Variants in HECW1 observed in about 807,000 individuals in gnomAD.
HECW1 encodes E3 ubiquitin-protein ligase HECW1.
Under a neutral mutation model 182.3 loss-of-function variants are expected in HECW1, and 61 were observed. The ratio of observed to expected loss-of-function variants is 0.33; its 90% CI spans 0.27 to 0.41. HECW1 has a LOEUF of 0.41. HECW1 is among the 10% of genes least tolerant of loss of function. The pLI, the probability that HECW1 is intolerant of heterozygous loss-of-function variation, is 1.00. For missense variants in HECW1, 1,739 were observed against 2,108.9 expected, an observed-to-expected ratio of 0.82 and a Z score of 3.44; for synonymous variants, 859 against 832.6, an observed-to-expected ratio of 1.03 and a Z score of -0.55.
intron 2 of HECW1, among the ~76,000 whole-genome samples, chr7:43,191,249 G>A (rs1201390438): frequency 6.6e-6 from 1 of 152,210 alleles, no homozygotes; most frequent in Non-Finnish European, 1.5e-5. Context: ...GTGTCATTAA[G>A]AGGCCAGAGT....
At chr7:43,389,156 G>A (rs549067194) in intron 6 of HECW1, among the ~76,000 whole-genome samples, 283 of 152,334 alleles carry the variant, frequency 1.9e-3, no homozygotes, top group African/African-American at 6.6e-3. Context: ...GTGAGGTTTA[G>A]TTAGAGACAA....
In HECW1 at chr7:43,507,171, C is replaced by A. The variant is rs868555713; in HGVS notation, c.3666C>A (p.Pro1222=). 1 of 1,613,900 alleles carries A rather than the reference C, an allele frequency of 6.2e-7. No homozygotes were observed. Among genetic ancestry groups the A allele is most frequent in the African/African-American group, 1.3e-5 (1 of 74,948 alleles). ...GAGCCAGTGCAAGAGCCCCTTCCCC[C>A]TACCGAAGAGACTTTGAGGCCAAGC... ...LQRASARAPS[P]YRRDFEAKLR... is the part of the protein sequence containing the mutation. Residue 1222 remains proline, a synonymous_variant, in exon 22 of 30, where the codon CCC becomes CCA. Coordinates refer to ENST00000395891, the MANE Select transcript of HECW1 (RefSeq NM_015052.5).
At chr7:43,225,494 A>G (rs2152705550) in intron 2 of HECW1, among the ~76,000 whole-genome samples, 1 of 152,350 alleles carries the variant, frequency 6.6e-6, no homozygotes, top group East Asian at 1.9e-4. Flanking sequence ...AAAACTGGAA[A>G]CAACCTAAAT....
intron 2 of HECW1, among the ~76,000 whole-genome samples, chr7:43,198,765 ACTCT>A (rs144605382): frequency 0.037 from 5,444 of 148,642 alleles, 122 homozygotes; most frequent in Non-Finnish European, 0.054. Context: ...AGATTTGCAC[ACTCT>A]CTCACACACA....
chr7:43,272,775 A>G (rs577714321), intron 3 of HECW1, among the ~76,000 whole-genome samples: 1 of 152,294 alleles, frequency 6.6e-6, no homozygotes, highest in Non-Finnish European at 1.5e-5. Context: ...TTCCAAAAGA[A>G]CTTAAAACAG....
intron 3 of HECW1, chr7:43,274,644 G>GGAGAGA (rs142241026): frequency 4.7e-4 from 147 of 313,878 alleles, no homozygotes; most frequent in South Asian, 1.1e-3. Context: ...GGGGAGGGAG[G>GGAGAGA]GAGAGAGAGA....
chr7:43,146,600 A>T (rs1788741023), intron 2 of HECW1, among the ~76,000 whole-genome samples: 1 of 152,236 alleles, frequency 6.6e-6, no homozygotes, highest in Non-Finnish European at 1.5e-5. Flanking sequence ...TTACTGTAAC[A>T]ATTCTGAACC....
chr7:43,494,543 G>A (rs1048345243), intron 19 of HECW1, among the ~76,000 whole-genome samples: 3 of 147,148 alleles, frequency 2.0e-5, no homozygotes, highest in African/African-American at 7.5e-5. Flanking sequence ...TTGCTCTGTT[G>A]CCTGGGCTGA....
intron 8 of HECW1, among the ~76,000 whole-genome samples, chr7:43,408,798 G>A (rs117289661): frequency 0.015 from 2,318 of 152,294 alleles, 35 homozygotes; most frequent in South Asian, 0.035. Context: ...GGGAGGCCTA[G>A]GTCATGAGAG....
At chr7:43,332,371 G>C (rs1811606506) in intron 5 of HECW1, among the ~76,000 whole-genome samples, 2 of 152,180 alleles carry the variant, frequency 1.3e-5, no homozygotes, top group South Asian at 4.1e-4. Context: ...AACCCATTTT[G>C]ATCTCCATGA....
intron 3 of HECW1, among the ~76,000 whole-genome samples, chr7:43,285,357 A>G (rs746705997): frequency 2.0e-5 from 3 of 152,182 alleles, no homozygotes; most frequent in Non-Finnish European, 2.9e-5. Context: ...AATGCTCTTC[A>G]AGCTATTTCA....
At chr7:43,229,196 G>A (rs1325259470) in intron 2 of HECW1, among the ~76,000 whole-genome samples, 1 of 152,188 alleles carries the variant, frequency 6.6e-6, no homozygotes, top group Non-Finnish European at 1.5e-5. Flanking sequence ...TGAAGTCTTT[G>A]CAATCAGCTG....
Position 43,350,962 on chromosome 7 carries a change from G to T in HECW1, c.461-9924G>T, listed in dbSNP as rs371365551. 3.9e-5 allele frequency among the ~76,000 whole-genome samples: 6 copies of T among 152,330 alleles called. No individual in the cohort carries two copies. In the East Asian group the frequency reaches 5.8e-4, roughly 15 times the overall value. On this transcript the variant is annotated intron_variant, in intron 5 of 29. Transcript: ENST00000395891. ...AGACTTGTTTTATCATATTACCAGG[G>T]TTGGTGTTTTCTGGTTCCTTTTCAT...
At chr7:43,417,983 A>G (rs2076068037) in intron 8 of HECW1, among the ~76,000 whole-genome samples, 1 of 152,186 alleles carries the variant, frequency 6.6e-6, no homozygotes, top group Non-Finnish European at 1.5e-5. Context: ...AGAAGTCCAA[A>G]ATGAAGGTGT....
chr7:43,179,368 A>G (rs1792574404), intron 2 of HECW1, among the ~76,000 whole-genome samples: 1 of 152,202 alleles, frequency 6.6e-6, no homozygotes, highest in Non-Finnish European at 1.5e-5. Flanking sequence ...CAAGTGTGGT[A>G]AAAATGGCAA....
chr7:43,168,565 T>C (rs1226311490), intron 2 of HECW1, among the ~76,000 whole-genome samples: 1 of 151,920 alleles, frequency 6.6e-6, no homozygotes, highest in African/African-American at 2.4e-5. Flanking sequence ...GAGACTGAGG[T>C]GGAGGGATCA....
At chr7:43,417,237 G>A (rs555154515) in intron 8 of HECW1, among the ~76,000 whole-genome samples, 1 of 152,114 alleles carries the variant, frequency 6.6e-6, no homozygotes, top group Admixed American at 6.5e-5. Context: ...TTTTAGTAGA[G>A]ATGGGTTTCA....
Position 43,468,898 on chromosome 7 carries a change from C to T in HECW1, c.2914-22C>T, listed in dbSNP as rs753791374. On this transcript the variant is annotated intron_variant, in intron 15 of 29. Transcript: ENST00000395891. ...TTTCCTAATTCCCCACTCCTTACCC[C>T]GTCCGCCCTGACCTGTCTCAGAGTG... is the stretch of plus-strand genomic sequence containing the variant. 1.3e-5 allele frequency: 21 copies of T among 1,612,396 alleles called. 1 individual carries two copies. The highest frequency in any genetic ancestry group is 4.5e-5 in the East Asian group (2 of 44,866).
intron 24 of HECW1, among the ~76,000 whole-genome samples, chr7:43,531,982 G>T (rs931506869): frequency 6.6e-6 from 1 of 152,140 alleles, no homozygotes. Flanking sequence ...TCTGTAGTGC[G>T]GCCCTGTGCC....
Sources: allele counts gnomAD v4.1 joint callset (sites outside exome capture counted in the v4.1 genomes callset), GRCh38; gene constraint gnomAD v4.1.1; transcripts MANE v1.5; gene names NCBI Gene and HGNC (gene_info 2026-07-23, HGNC 2026-07-21).